ADAMTS16: variants seen among roughly 807,000 people sequenced by gnomAD.
ADAMTS16 encodes ADAM metallopeptidase with thrombospondin type 1 motif 16.
ADAMTS16 carries 94 observed loss-of-function variants against 145.8 expected under a neutral mutation model. That is an observed-to-expected ratio of 0.64 (90% confidence interval 0.55 to 0.77). ADAMTS16 has a LOEUF of 0.77. Ranked by LOEUF, ADAMTS16 falls within the 30% of genes least tolerant of loss-of-function variation. The pLI is 0.00. For synonymous variants in ADAMTS16, 659 were observed against 604.3 expected (o/e 1.09, Z -1.33); for missense variants, 1,585 against 1,591.5 (o/e 1.00, Z 0.07).
At chr5:5,184,074 G>T (rs1442570282) in intron 4 of ADAMTS16, among the ~76,000 whole-genome samples, 1 of 152,158 alleles carries the variant, frequency 6.6e-6, no homozygotes, top group African/African-American at 2.4e-5. Flanking sequence ...GTGGCCAGGG[G>T]CCATGTGACC....
At chr5:5,162,522 GA>G (rs1008652670) in intron 3 of ADAMTS16, among the ~76,000 whole-genome samples, 1 of 152,180 alleles carries the variant, frequency 6.6e-6, no homozygotes, top group Non-Finnish European at 1.5e-5. Flanking sequence ...GTATTGGAGG[GA>G]AAAGAGGAAC....
rs556772630 is a variant in ADAMTS16 at position 5,242,076 on chromosome 5, G to A, written c.2547G>A (p.Pro849=). 6.8e-6 allele frequency: 11 copies of A among 1,613,986 alleles called. No individual in the cohort carries two copies. The highest frequency in any genetic ancestry group is 5.3e-5 in the African/African-American group (4 of 74,898). Residue 849 remains proline, a synonymous_variant, in exon 17 of 23, where the codon CCG becomes CCA. Transcript: ENST00000274181. ...IVELLFQGRN[P]GVAWEYSMPR... ...AGCTGCTGTTTCAGGGAAGGAACCC[G>A]GGTGTTGCCTGGGAATACTCCATGC...
intron 3 of ADAMTS16, among the ~76,000 whole-genome samples, chr5:5,151,814 C>T (rs1734470703): frequency 6.6e-6 from 1 of 151,834 alleles, no homozygotes; most frequent in African/African-American, 2.4e-5. Flanking sequence ...AGTCTTCCTG[C>T]TGTACATTAG....
Position 5,174,299 on chromosome 5 carries a change from C to G in ADAMTS16, c.502-7745C>G, listed in dbSNP as rs964093771. 4.6e-5 allele frequency among the ~76,000 whole-genome samples: 7 copies of G among 152,134 alleles called. 1 individual carries two copies. In the South Asian group the frequency reaches 6.2e-4, roughly 13 times the overall value. The stretch of plus-strand genomic sequence containing the variant: ...TCTTTCCTGGCCTGTATGGTTTCCA[C>G]TGAGAAGTCTGCTGTCAGATGTATT... On this transcript the variant is annotated intron_variant, in intron 3 of 22. Coordinates refer to ENST00000274181, the MANE Select transcript of ADAMTS16 (RefSeq NM_139056.4).
At chr5:5,224,998 T>A (rs187911839) in intron 11 of ADAMTS16, among the ~76,000 whole-genome samples, 10 of 152,258 alleles carry the variant, frequency 6.6e-5, no homozygotes, top group Non-Finnish European at 2.9e-5. Context: ...TCCCTTGTAT[T>A]TCAAATATAG....
intron 14 of ADAMTS16, 93 bp from the exon 15 acceptor site, chr5:5,239,058 A>G: frequency 7.5e-7 from 1 of 1,335,310 alleles, no homozygotes; most frequent in Non-Finnish European, 9.8e-7. Context: ...TTTCAACTCT[A>G]GTGGGGAGGA....
At chr5:5,197,878 G>A (rs146448120) in intron 8 of ADAMTS16, among the ~76,000 whole-genome samples, 216 of 152,208 alleles carry the variant, frequency 1.4e-3, no homozygotes, top group Middle Eastern at 6.8e-3. Context: ...ATCACCTGGG[G>A]ATGTGTTCCA....
At chr5:5,236,202 C>A (rs1215636560) in intron 13 of ADAMTS16, among the ~76,000 whole-genome samples, 1 of 152,082 alleles carries the variant, frequency 6.6e-6, no homozygotes, top group Admixed American at 6.6e-5. Context: ...TTCAGTTGGG[C>A]CTCTTATCTT....
intron 21 of ADAMTS16, among the ~76,000 whole-genome samples, chr5:5,311,714 T>C (rs1740453737): frequency 6.7e-6 from 1 of 149,222 alleles, no homozygotes; most frequent in Admixed American, 6.7e-5. Context: ...GCCCAGCTAG[T>C]TTTTGTTTTT....
At chr5:5,172,221 ATTG>A (rs889128541) in intron 3 of ADAMTS16, among the ~76,000 whole-genome samples, 1 of 151,368 alleles carries the variant, frequency 6.6e-6, no homozygotes, top group African/African-American at 2.4e-5. Flanking sequence ...TGATCTTTTT[ATTG>A]TTTTCTTTGT....
chr5:5,233,090 T>C (rs995481656), intron 12 of ADAMTS16, among the ~76,000 whole-genome samples: 6 of 152,200 alleles, frequency 3.9e-5, no homozygotes, highest in African/African-American at 1.4e-4. Context: ...TTAACCACAT[T>C]TACTTGACAT....
chr5:5,203,448 C>G (rs1736011273), intron 9 of ADAMTS16, among the ~76,000 whole-genome samples: 1 of 152,156 alleles, frequency 6.6e-6, no homozygotes, highest in Non-Finnish European at 1.5e-5. Context: ...AAATGGCTAC[C>G]TTTTAAGATG....
intron 11 of ADAMTS16, among the ~76,000 whole-genome samples, chr5:5,231,772 C>G (rs1225694662): frequency 6.6e-6 from 1 of 152,322 alleles, no homozygotes; most frequent in South Asian, 2.1e-4. Context: ...GAAGAGATAG[C>G]ATCTCCAGCC....
At chr5:5,235,573 A>T (rs1184599497) in intron 13 of ADAMTS16, among the ~76,000 whole-genome samples, 1 of 152,248 alleles carries the variant, frequency 6.6e-6, no homozygotes, top group African/African-American at 2.4e-5. Context: ...TCAAAGAATG[A>T]AAAAGAAATT....
At chr5:5,180,168 G>A (rs1487116289) in intron 3 of ADAMTS16, among the ~76,000 whole-genome samples, 1 of 152,110 alleles carries the variant, frequency 6.6e-6, no homozygotes, top group African/African-American at 2.4e-5. Context: ...GGCAAATTTA[G>A]AATGGACATT....
chr5:5,255,373 T>C (rs1201310691), intron 17 of ADAMTS16, among the ~76,000 whole-genome samples: 1 of 152,226 alleles, frequency 6.6e-6, no homozygotes, highest in Admixed American at 6.5e-5. Context: ...GTTTACAAAA[T>C]AAATAGAGAG....
intron 3 of ADAMTS16, among the ~76,000 whole-genome samples, chr5:5,176,398 C>T (rs979897621): frequency 3.9e-5 from 6 of 152,172 alleles, no homozygotes; most frequent in African/African-American, 1.4e-4. Flanking sequence ...ATATTATCAT[C>T]TAAGCTCTAA....
intron 3 of ADAMTS16, among the ~76,000 whole-genome samples, chr5:5,172,028 C>A (rs1159113304): frequency 1.3e-5 from 2 of 152,102 alleles, no homozygotes; most frequent in Non-Finnish European, 2.9e-5. Context: ...GTATCCATTT[C>A]TTCTAGGCTT....
intron 18 of ADAMTS16, among the ~76,000 whole-genome samples, chr5:5,270,456 G>A (rs957127): frequency 0.29 from 44,741 of 152,028 alleles, 6,721 homozygotes; most frequent in East Asian, 0.37. Context: ...CTAGGATAAG[G>A]TGAGGATTCC....
Sources: gnomAD v4.1 joint callset for allele counts (sites outside exome capture counted in the v4.1 genomes callset) on GRCh38, gnomAD v4.1.1 for gene constraint, MANE v1.5 for transcripts, NCBI Gene and HGNC (gene_info 2026-07-23, HGNC 2026-07-21) for gene names.